TBC1D30: variants seen among roughly 807,000 people sequenced by gnomAD.
TBC1D30 encodes TBC1 domain family member 30, also known as TBC1 domain family, member 30.
Under a neutral mutation model 63.2 loss-of-function variants are expected in TBC1D30, and 31 were observed. The ratio of observed to expected loss-of-function variants is 0.49; its 90% CI spans 0.37 to 0.66. The LOEUF is 0.66. Ranked by LOEUF, TBC1D30 falls within the 30% of genes least tolerant of loss-of-function variation. The probability of loss-of-function intolerance (pLI) is 0.00; values close to 1 mark genes in which losing one functional copy is unlikely to be tolerated. For synonymous variants in TBC1D30, 307 were observed against 361.5 expected (o/e 0.85, Z 1.71); for missense variants, 810 against 953.6 (o/e 0.85, Z 1.98).
chr12:64,838,812 T>G lies in TBC1D30; in HGVS notation c.893T>G (p.Ile298Ser). ...DSVFFEGSEI[I>S]LRVSLAIWAK... ...GTCTTCTTTGAAGGTTCAGAAATCA[T>G]CCTAAGGGTGTCGCTGGCTATCTGG... The change falls in exon 7 of 12, where the codon ATC becomes AGC. Residue 298 changes from isoleucine to serine, a missense_variant. This residue lies in a region of TBC1D30 where 83 missense variants were observed against 121.5 expected (regional missense o/e 0.68). Coordinates refer to ENST00000539867, the MANE Select transcript of TBC1D30 (RefSeq NM_015279.2). 7 of 1,536,182 alleles carry G rather than the reference T, an allele frequency of 4.6e-6. No individual in the cohort carries two copies. Among genetic ancestry groups the G allele is most frequent in the Non-Finnish European group, 6.1e-6 (7 of 1,146,910 alleles).
chr12:64,865,998 T>C (rs974633581), intron 9 of TBC1D30, among the ~76,000 whole-genome samples: 5 of 152,144 alleles, frequency 3.3e-5, no homozygotes, highest in Admixed American at 3.3e-4. Flanking sequence ...GTCTCCTAAG[T>C]AGCTGGGACC....
At chr12:64,852,618 T>C (rs921570226) in intron 8 of TBC1D30, among the ~76,000 whole-genome samples, 1 of 152,216 alleles carries the variant, frequency 6.6e-6, no homozygotes, top group Non-Finnish European at 1.5e-5. Context: ...CTCATTTTCA[T>C]GGATTTATCT....
intron 5 of TBC1D30, among the ~76,000 whole-genome samples, chr12:64,835,323 A>G (rs548337918): frequency 1.3e-5 from 2 of 152,106 alleles, no homozygotes; most frequent in Non-Finnish European, 2.9e-5. Context: ...TGAAAAGTGG[A>G]AATTATAAGC....
chr12:64,854,581 G>A (rs7314466), intron 8 of TBC1D30, among the ~76,000 whole-genome samples: 1,893 of 150,050 alleles, frequency 0.013, 46 homozygotes, highest in African/African-American at 0.044. Flanking sequence ...TGCAAGCTCC[G>A]TCTCCCAGGT....
intron 10 of TBC1D30, chr12:64,868,418 C>A: frequency 4.5e-6 from 1 of 221,632 alleles, no homozygotes; most frequent in Non-Finnish European, 8.9e-6. Context: ...TACCTCTGAT[C>A]CTTAGGGAAA....
intron 2 of TBC1D30, among the ~76,000 whole-genome samples, chr12:64,813,867 A>T (rs1453088813): frequency 6.6e-6 from 1 of 152,154 alleles, no homozygotes. Context: ...TCAAATGTGC[A>T]CGGAGCCCCA....
At position 64,879,699 on chromosome 12, in the gene TBC1D30, G is replaced by T. The variant is rs1879334870; in HGVS notation, c.*3911G>T. 6.6e-6 allele frequency: 1 copy of T among 152,134 alleles called. No individual in the cohort carries two copies. Among genetic ancestry groups the T allele is most frequent in the African/African-American group, 2.4e-5 (1 of 41,426 alleles). The allele number at this position is 152,134 out of a possible 1,614,324, so 9.4% of individuals were successfully genotyped here. ...AAAGAAGCATTAAGTAAGATGTTGA[G>T]GTTTCTGGTAGGTGCCTATTATTAG... On this transcript the variant is annotated 3_prime_UTR_variant, in exon 12 of 12. Coordinates refer to ENST00000539867, the MANE Select transcript of TBC1D30 (RefSeq NM_015279.2).
intron 8 of TBC1D30, among the ~76,000 whole-genome samples, chr12:64,858,617 C>T (rs1877512969): frequency 6.6e-6 from 1 of 152,190 alleles, no homozygotes; most frequent in Non-Finnish European, 1.5e-5. Flanking sequence ...GAGTAATGAT[C>T]CATACTTACT....
intron 1 of TBC1D30, among the ~76,000 whole-genome samples, chr12:64,762,856 T>C (rs879762870): frequency 6.6e-6 from 1 of 152,232 alleles, no homozygotes; most frequent in Non-Finnish European, 1.5e-5. Context: ...TCAGAAAAAT[T>C]ATTTTTCACC....
At chr12:64,802,061 G>A (rs1407493080) in intron 2 of TBC1D30, among the ~76,000 whole-genome samples, 1 of 152,168 alleles carries the variant, frequency 6.6e-6, no homozygotes, top group African/African-American at 2.4e-5. Flanking sequence ...AATGGACTCT[G>A]TATAGAAATA....
At chr12:64,864,849 T>A in intron 9 of TBC1D30, 69 bp downstream of exon 9, 1 of 1,114,132 alleles carries the variant, frequency 9.0e-7, no homozygotes, top group Non-Finnish European at 1.3e-6. Flanking sequence ...TATTGTAAAT[T>A]AATATTTATG....
intron 10 of TBC1D30, among the ~76,000 whole-genome samples, chr12:64,867,312 A>C (rs1878302961): frequency 6.6e-6 from 1 of 151,966 alleles, no homozygotes; most frequent in Non-Finnish European, 1.5e-5. Context: ...AAAAATACAA[A>C]AATTAGCTGT....
intron 1 of TBC1D30, among the ~76,000 whole-genome samples, chr12:64,767,788 C>CGGGGGGGGGG (rs59418018): frequency 3.3e-5 from 2 of 60,194 alleles, no homozygotes; most frequent in Non-Finnish European, 6.7e-5. Context: ...CATGCTCCGG[C>CGGGGGGGGGG]GGGGGGGGGG....
chr12:64,788,851 T>A (rs767892157), intron 2 of TBC1D30, among the ~76,000 whole-genome samples: 8 of 152,208 alleles, frequency 5.3e-5, no homozygotes, highest in Non-Finnish European at 1.0e-4. Flanking sequence ...ATTACTTTCA[T>A]CACAGGATAC....
At chr12:64,820,058 GTCTC>G (rs568723138), upstream of TBC1D30, among the ~76,000 whole-genome samples, 1 of 152,094 alleles carries the variant, frequency 6.6e-6, no homozygotes. Flanking sequence ...GCTCCCTGTG[GTCTC>G]TCTCTCCTCA....
intron 2 of TBC1D30, among the ~76,000 whole-genome samples, chr12:64,786,462 G>T (rs1009191233): frequency 7.9e-5 from 12 of 151,990 alleles, no homozygotes; most frequent in Non-Finnish European, 2.9e-5. Flanking sequence ...CTCCTGAGTA[G>T]CTGGAACTAC....
intron 8 of TBC1D30, among the ~76,000 whole-genome samples, chr12:64,858,726 ATTAAC>A (rs1877523574): frequency 6.6e-6 from 1 of 152,202 alleles, no homozygotes; most frequent in Non-Finnish European, 1.5e-5. Flanking sequence ...TATGCTGTAT[ATTAAC>A]TTCTCCAAAT....
At chr12:64,871,880 CTACACTG>C (rs1878685310) in intron 11 of TBC1D30, among the ~76,000 whole-genome samples, 1 of 152,178 alleles carries the variant, frequency 6.6e-6, no homozygotes, top group Non-Finnish European at 1.5e-5. Flanking sequence ...CCCTTTTTAA[CTACACTG>C]TACAAGTCTT....
chr12:64,858,738 A>G (rs570441041), intron 8 of TBC1D30, among the ~76,000 whole-genome samples: 1 of 152,274 alleles, frequency 6.6e-6, no homozygotes, highest in East Asian at 1.9e-4. Context: ...TAACTTCTCC[A>G]AATATTTATC....
Sources: gnomAD v4.1 joint callset for allele counts (sites outside exome capture counted in the v4.1 genomes callset) on GRCh38, gnomAD v4.1.1 for gene constraint, gnomAD v4.1.1 regional missense constraint, MANE v1.5 for transcripts, NCBI Gene and HGNC (gene_info 2026-07-23, HGNC 2026-07-21) for gene names.